Variants in ZNF385B observed in about 807,000 individuals in gnomAD.
ZNF385B encodes zinc finger protein 385B.
ZNF385B carries 23 observed loss-of-function variants against 39.2 expected under a neutral mutation model. The observed-to-expected ratio is 0.59, with a 90% CI of 0.42 to 0.83. The LOEUF is 0.83. Ranked by LOEUF, ZNF385B falls within the 40% of genes least tolerant of loss-of-function variation. The pLI is 0.00. For synonymous variants in ZNF385B, 205 were observed against 222.6 expected (o/e 0.92, Z 0.70); for missense variants, 552 against 598.9 (o/e 0.92, Z 0.82).
chr2:179,704,257 TA>T (rs1699422347), intron 3 of ZNF385B, among the ~76,000 whole-genome samples: 1 of 152,148 alleles, frequency 6.6e-6, no homozygotes. Context: ...TAGAAAATAA[TA>T]AATTTTAAGA....
chr2:179,810,449 G>T (rs1171544027), intron 1 of ZNF385B, among the ~76,000 whole-genome samples: 2 of 151,634 alleles, frequency 1.3e-5, no homozygotes, highest in African/African-American at 4.8e-5. Flanking sequence ...TTTAGTATGT[G>T]TTTATATACA....
chr2:179,624,929 G>A (rs913517790), intron 3 of ZNF385B, among the ~76,000 whole-genome samples: 1 of 150,898 alleles, frequency 6.6e-6, no homozygotes, highest in Non-Finnish European at 1.5e-5. Flanking sequence ...GTGATAGGTG[G>A]TATCTGGGGA....
At chr2:179,669,528 T>A (rs1695632374) in intron 3 of ZNF385B, among the ~76,000 whole-genome samples, 1 of 152,210 alleles carries the variant, frequency 6.6e-6, no homozygotes, top group Admixed American at 6.5e-5. Context: ...GGCTATTTAG[T>A]GGCCTAGCCA....
intron 3 of ZNF385B, among the ~76,000 whole-genome samples, chr2:179,679,081 T>C (rs932625781): frequency 5.3e-5 from 8 of 152,158 alleles, no homozygotes; most frequent in African/African-American, 1.9e-4. Flanking sequence ...TAGTCTAATA[T>C]ATAGAAGGAA....
intron 6 of ZNF385B, among the ~76,000 whole-genome samples, chr2:179,448,731 C>A (rs993943845): frequency 1.3e-5 from 2 of 152,022 alleles, no homozygotes; most frequent in African/African-American, 4.8e-5. Context: ...CATAAATGAG[C>A]ATGATGTTTT....
At chr2:179,714,677 G>T (rs1395494443) in intron 3 of ZNF385B, among the ~76,000 whole-genome samples, 1 of 152,098 alleles carries the variant, frequency 6.6e-6, no homozygotes, top group East Asian at 1.9e-4. Flanking sequence ...CAGGCGTGGT[G>T]GCTCACGCCT....
At chr2:179,794,569 A>T (rs991071401) in intron 1 of ZNF385B, among the ~76,000 whole-genome samples, 1 of 152,174 alleles carries the variant, frequency 6.6e-6, no homozygotes, top group Non-Finnish European at 1.5e-5. Flanking sequence ...GGACACATTT[A>T]TTGCCTCCTA....
chr2:179,549,322 G>T (rs1302797355), intron 3 of ZNF385B, among the ~76,000 whole-genome samples: 3 of 149,252 alleles, frequency 2.0e-5, no homozygotes, highest in Admixed American at 1.3e-4. Context: ...GTTCTTTCAG[G>T]TATATACTTA....
chr2:179,845,175 T>C (rs1404075578), intron 1 of ZNF385B, among the ~76,000 whole-genome samples: 4 of 152,330 alleles, frequency 2.6e-5, no homozygotes, highest in South Asian at 4.1e-4. Flanking sequence ...ATTTTCTCCA[T>C]ATAAATATAT....
chr2:179,528,424 A>G (rs2059054304), intron 4 of ZNF385B, among the ~76,000 whole-genome samples: 1 of 152,242 alleles, frequency 6.6e-6, no homozygotes, highest in African/African-American at 2.4e-5. Context: ...GTGAGTGAAT[A>G]GCAAAATGAT....
In ZNF385B at chr2:179,760,219, T is replaced by TGTGCGTGC. The variant is rs1553525635; in HGVS notation, c.298+9283_298+9284insGCACGCAC. The stretch of plus-strand genomic sequence containing the variant: ...TTCTCCAGTATTACCTGGATTCCTG[T>TGTGCGTGC]GTGCGTGTGTGTGTGTGTGTGTGTG... On this transcript the variant is annotated intron_variant, in intron 3 of 9. Coordinates refer to ENST00000410066, the MANE Select transcript of ZNF385B (RefSeq NM_152520.6). Among the ~76,000 whole-genome samples the TGTGCGTGC allele has an allele frequency of 1.4e-4, 16 of 114,278 alleles. No homozygotes were observed. In the East Asian group the frequency reaches 2.1e-3, roughly 15 times the overall value. 75.0% of individuals were successfully genotyped at this position (114,278 alleles called of 152,430 possible). A position where few individuals can be genotyped will look rare whatever the true frequency, so the allele number is the denominator to read the frequency against.
rs373987156 is a variant in ZNF385B at position 179,493,514 on chromosome 2, T to C, written c.553-10080A>G. On this transcript the variant is annotated intron_variant, in intron 5 of 9. Coordinates refer to ENST00000410066, the MANE Select transcript of ZNF385B (RefSeq NM_152520.6). ...AAACGTGTGTGTACATATATGCGTA[T>C]ACATATGTGTGTACATATATGCGTA... Among the ~76,000 whole-genome samples the C allele has an allele frequency of 4.0e-5, 6 of 151,588 alleles. No individual in the cohort carries two copies. The East Asian group carries it at 1.2e-3, about 29-fold the overall frequency.
intron 3 of ZNF385B, among the ~76,000 whole-genome samples, chr2:179,691,238 A>G (rs1368050116): frequency 6.6e-6 from 1 of 152,220 alleles, no homozygotes; most frequent in Non-Finnish European, 1.5e-5. Context: ...AAACCCTATG[A>G]AAACGAACTC....
intron 3 of ZNF385B, among the ~76,000 whole-genome samples, chr2:179,763,789 C>T (rs538205346): frequency 6.6e-6 from 1 of 152,144 alleles, no homozygotes; most frequent in East Asian, 1.9e-4. Context: ...TGTTTTTCTA[C>T]TACTAATTTC....
intron 1 of ZNF385B, among the ~76,000 whole-genome samples, chr2:179,854,780 C>T (rs1252777356): frequency 6.6e-6 from 1 of 152,158 alleles, no homozygotes; most frequent in African/African-American, 2.4e-5. Context: ...CTTAGTGTAG[C>T]TCAAACTACT....
intron 3 of ZNF385B, among the ~76,000 whole-genome samples, chr2:179,699,773 G>A (rs1699038550): frequency 1.3e-5 from 2 of 152,132 alleles, no homozygotes; most frequent in Admixed American, 1.3e-4. Flanking sequence ...TCCTCTGTTG[G>A]CGGTTGATGG....
At chr2:179,512,955 C>A (rs1383088017) in intron 5 of ZNF385B, among the ~76,000 whole-genome samples, 1 of 152,072 alleles carries the variant, frequency 6.6e-6, no homozygotes, top group Non-Finnish European at 1.5e-5. Context: ...ATAAGCTAGA[C>A]AAAGGGGGGT....
intron 4 of ZNF385B, among the ~76,000 whole-genome samples, chr2:179,544,197 G>C (rs79076917): frequency 0.017 from 2,649 of 152,234 alleles, 79 homozygotes; most frequent in African/African-American, 0.061. Context: ...AATAAAAGAA[G>C]GTCAGCTGAG....
chr2:179,493,620 T>A (rs1224045803), intron 5 of ZNF385B, among the ~76,000 whole-genome samples: 1 of 115,434 alleles, frequency 8.7e-6, no homozygotes, highest in South Asian at 2.9e-4. Flanking sequence ...TACGTACATA[T>A]ATGTATACGC....
Sources: gnomAD v4.1 joint callset for allele counts (sites outside exome capture counted in the v4.1 genomes callset) on GRCh38, gnomAD v4.1.1 for gene constraint, MANE v1.5 for transcripts, NCBI Gene and HGNC (gene_info 2026-07-23, HGNC 2026-07-21) for gene names.